TPR: variants seen among roughly 807,000 people sequenced by gnomAD.
TPR encodes translocated promoter region, nuclear basket protein, also known as nucleoprotein TPR.
Under a neutral mutation model 316.1 loss-of-function variants are expected in TPR, and 51 were observed. The observed-to-expected ratio is 0.16, with a 90% CI of 0.13 to 0.20. The LOEUF is 0.20. Ranked by LOEUF, TPR falls within the 10% of genes least tolerant of loss-of-function variation. TPR has a pLI of 1.00. For synonymous variants in TPR, 981 were observed against 914.7 expected (o/e 1.07, Z -1.31); for missense variants, 2,272 against 2,754.8 (o/e 0.82, Z 3.92).
chr1:186,357,545 T>C lies in TPR; in HGVS notation c.1576A>G (p.Ile526Val), dbSNP rs1659064993. Residue 526 changes from isoleucine to valine, a missense_variant, in exon 14 of 51, where the codon ATA becomes GTA. Physicochemically the swap from Ile to Val is conservative, Grantham distance 29 (BLOSUM62 3). Coordinates refer to ENST00000367478, the MANE Select transcript of TPR (RefSeq NM_003292.3). Reference protein sequence around the residue: ...IRDEEVSSADISSSSEVISQH... With the variant: ...IRDEEVSSADVSSSSEVISQH... ...GATATTACCTCAGATGAACTACTTATATCAGCAGAGCTTACTTCCTCATCA... is the reference window on the plus strand; with the variant it reads ...GATATTACCTCAGATGAACTACTTACATCAGCAGAGCTTACTTCCTCATCA... The C allele has an allele frequency of 8.1e-6, 13 of 1,614,164 alleles. No individual in the cohort carries two copies. The highest frequency in any genetic ancestry group is 9.3e-6 in the Non-Finnish European group (11 of 1,180,024).
At chr1:186,372,542 CA>C (rs887329383) in intron 2 of TPR, among the ~76,000 whole-genome samples, 6 of 147,066 alleles carry the variant, frequency 4.1e-5, no homozygotes, top group Non-Finnish European at 7.5e-5. Context: ...ACTCTGTCTC[CA>C]AAAAAAAAGG....
intron 37 of TPR, among the ~76,000 whole-genome samples, chr1:186,332,792 A>G (rs1282764716): frequency 6.6e-6 from 1 of 152,120 alleles, no homozygotes; most frequent in Non-Finnish European, 1.5e-5. Flanking sequence ...ATTATATACA[A>G]TGTTTTGCAT....
intron 27 of TPR, 130 bp from the exon 28 acceptor site, chr1:186,341,519 T>A (rs2293570): frequency 0.1 from 103,281 of 1,030,822 alleles, 7,415 homozygotes; most frequent in East Asian, 0.4. Flanking sequence ...AACTAAAATT[T>A]TTGAAAGTTC....
chr1:186,316,509 A>C (rs963468508), intron 49 of TPR, among the ~76,000 whole-genome samples: 1 of 152,204 alleles, frequency 6.6e-6, no homozygotes, highest in African/African-American at 2.4e-5. Flanking sequence ...TCCATGGCAG[A>C]GTTTGAGAAT....
Position 186,325,873 on chromosome 1 carries a change from A to C in TPR, c.6022-19T>G. On this transcript the variant is annotated intron_variant, in intron 41 of 50. Coordinates refer to ENST00000367478, the MANE Select transcript of TPR (RefSeq NM_003292.3). ...CACCACCCTAAAAACAAAACGTGGT[A>C]ACATAATGCTCAAATAAAATAAATA... 5 of 1,607,920 alleles carry C rather than the reference A, an allele frequency of 3.1e-6. No individual in the cohort carries two copies. Among genetic ancestry groups the C allele is most frequent in the Non-Finnish European group, 4.2e-6 (5 of 1,176,532 alleles).
At chr1:186,367,782 A>T in intron 4 of TPR, 104 bp downstream of exon 4, 1 of 719,786 alleles carries the variant, frequency 1.4e-6, no homozygotes, top group Non-Finnish European at 2.3e-6. Context: ...ACTCAACCAT[A>T]ACAAAAAAAT....
chr1:186,323,692 T>A lies in TPR; in HGVS notation c.6291A>T (p.Pro2097=). 6.7e-7 allele frequency: 1 copy of A among 1,493,878 alleles called. No homozygotes were observed. Among genetic ancestry groups the A allele is most frequent in the African/African-American group, 1.5e-5 (1 of 67,528 alleles). 92.5% of individuals were successfully genotyped at this position (1,493,878 alleles called of 1,614,324 possible). A position where few individuals can be genotyped will look rare whatever the true frequency, so the allele number is the denominator to read the frequency against. ...IHAPPQELGP[P]VQRIQMTRRQ... ...TGACCAGTACTTTTAATACCTGAAC[T>A]GGTGGTCCCAACTCCTGAGGTGGGG... Residue 2097 remains proline (P), a synonymous_variant, in exon 43 of 51, where the codon CCA becomes CCT. Coordinates refer to ENST00000367478, the MANE Select transcript of TPR (RefSeq NM_003292.3).
chr1:186,323,465 T>C (rs1410976847), intron 43 of TPR, among the ~76,000 whole-genome samples: 2 of 152,194 alleles, frequency 1.3e-5, no homozygotes, highest in Non-Finnish European at 2.9e-5. Context: ...TATAACCATT[T>C]CAATGTATGC....
intron 45 of TPR, among the ~76,000 whole-genome samples, chr1:186,321,506 G>T (rs969527188): frequency 3.9e-5 from 6 of 152,110 alleles, no homozygotes; most frequent in Non-Finnish European, 8.8e-5. Flanking sequence ...TCTGACCTCT[G>T]GCAAATTTGT....
In TPR at chr1:186,367,882, A is replaced by G. The variant is rs778254508; in HGVS notation, c.427+4T>C. 4.4e-6 allele frequency: 7 copies of G among 1,599,068 alleles called. No homozygotes were observed. The highest frequency in any genetic ancestry group is 1.6e-4 in the Middle Eastern group (1 of 6,066). On this transcript the variant is annotated splice_donor_region_variant and intron_variant, in intron 4 of 50. Coordinates refer to ENST00000367478, the MANE Select transcript of TPR (RefSeq NM_003292.3). Reference sequence around the variant, plus strand: ...AGCTAAAAGCTACAAGCACTTCTTCATACCTGTTAAGTATTCAAGTTCTTG... The same window carrying G: ...AGCTAAAAGCTACAAGCACTTCTTCGTACCTGTTAAGTATTCAAGTTCTTG...
At position 186,313,148 on chromosome 1, in the gene TPR, C is replaced by A. The variant is rs1468914729; in HGVS notation, c.*823G>T. The A allele has an allele frequency of 1.2e-4, 59 of 501,122 alleles. No homozygotes were observed. The highest frequency in any genetic ancestry group is 1.1e-3 in the South Asian group (51 of 46,590). The allele number at this position is 501,122 out of a possible 1,614,324, so 31.0% of individuals were successfully genotyped here. ...GTTACTAGAGTAAACTTGCTACTGA[C>A]AATAGTATTTTACTTCTATCATTTG... On this transcript the variant is annotated 3_prime_UTR_variant, in exon 51 of 51. Transcript: ENST00000367478.
intron 2 of TPR, among the ~76,000 whole-genome samples, chr1:186,372,335 A>G (rs1366493465): frequency 2.0e-5 from 3 of 152,236 alleles, no homozygotes; most frequent in African/African-American, 7.2e-5. Context: ...CGAGGCCAGG[A>G]GTTCAAGACC....
chr1:186,355,590 T>C (rs1404628852), intron 16 of TPR, 32 bp from the exon 17 acceptor site: 1 of 1,613,584 alleles, frequency 6.2e-7, no homozygotes. Context: ...AAGGTAACAC[T>C]GTGTTCTCTA....
At chr1:186,347,059 TCTC>T (rs1416490285) in intron 22 of TPR, among the ~76,000 whole-genome samples, 1 of 152,138 alleles carries the variant, frequency 6.6e-6, no homozygotes, top group African/African-American at 2.4e-5. Flanking sequence ...TACCTCTCAG[TCTC>T]CTCAACATTT....
intron 4 of TPR, among the ~76,000 whole-genome samples, chr1:186,366,046 G>C (rs1032320829): frequency 6.6e-6 from 1 of 152,224 alleles, no homozygotes; most frequent in East Asian, 1.9e-4. Flanking sequence ...TTTCTTTTAT[G>C]ACATGGATCC....
Position 186,333,110 on chromosome 1 carries a change from A to T in TPR, c.5455+12T>A, listed in dbSNP as rs768957724. On this transcript the variant is annotated intron_variant, in intron 37 of 50. Coordinates refer to ENST00000367478, the MANE Select transcript of TPR (RefSeq NM_003292.3). ...TAGGTCTACTCTGACTTCATTTTAA[A>T]ATTAATTTTACCTGTGCCAAATACT... 1.9e-6 allele frequency: 3 copies of T among 1,611,686 alleles called. No homozygotes were observed. The highest frequency in any genetic ancestry group is 2.5e-6 in the Non-Finnish European group (3 of 1,178,572).
chr1:186,357,320 TAC>T, intron 14 of TPR, 75 bp downstream of exon 14: 1 of 1,446,304 alleles, frequency 6.9e-7, no homozygotes, highest in Middle Eastern at 1.8e-4. Flanking sequence ...ACGTTGGGAT[TAC>T]AGGCATGAGA....
At chr1:186,366,604 A>G (rs1659351296) in intron 4 of TPR, among the ~76,000 whole-genome samples, 1 of 152,226 alleles carries the variant, frequency 6.6e-6, no homozygotes, top group African/African-American at 2.4e-5. Context: ...TGTTTCTGCC[A>G]TAGTTAATTA....
In TPR at chr1:186,331,573, A is replaced by G; in HGVS notation, c.5613T>C (p.Val1871=). ...SVTPVGTEEE[V]MAEESTDGEV... Reference sequence around the variant, plus strand: ...CTCCATCAGTACTTTCTTCTGCCATAACTTCTTCCTGTATCATAATACACT... The same window carrying G: ...CTCCATCAGTACTTTCTTCTGCCATGACTTCTTCCTGTATCATAATACACT... The change falls in exon 39 of 51, where the codon GTT becomes GTC. Residue 1871 remains valine, a synonymous_variant. Transcript: ENST00000367478. 6.2e-7 allele frequency: 1 copy of G among 1,606,614 alleles called. No individual in the cohort carries two copies. The highest frequency in any genetic ancestry group is 8.5e-7 in the Non-Finnish European group (1 of 1,176,064).
Sources: allele counts gnomAD v4.1 joint callset (sites outside exome capture counted in the v4.1 genomes callset), GRCh38; gene constraint gnomAD v4.1.1; transcripts MANE v1.5; gene names NCBI Gene and HGNC (gene_info 2026-07-23, HGNC 2026-07-21).